The following PTPRZ1 variants were observed in gnomAD, a reference collection of about 807,000 sequenced individuals.
The protein encoded by PTPRZ1 is receptor-type tyrosine-protein phosphatase zeta.
PTPRZ1 carries 82 observed loss-of-function variants against 214.1 expected under a neutral mutation model. That is an observed-to-expected ratio of 0.38 (90% CI 0.32 to 0.46). The LOEUF is 0.46. PTPRZ1 is among the 20% of genes least tolerant of loss of function. PTPRZ1 has a pLI of 1.00. For missense variants in PTPRZ1, 2,603 were observed against 2,748.7 expected (o/e 0.95, Z 1.19); for synonymous variants, 945 against 987.9 (o/e 0.96, Z 0.81).
chr7:121,948,225 A>G (rs928367927), intron 2 of PTPRZ1, among the ~76,000 whole-genome samples: 5 of 152,174 alleles, frequency 3.3e-5, no homozygotes, highest in African/African-American at 1.2e-4. Context: ...ACAGGTAAGT[A>G]AGTACCTGCT....
At chr7:121,939,473 A>G (rs1796181077) in intron 2 of PTPRZ1, among the ~76,000 whole-genome samples, 1 of 152,212 alleles carries the variant, frequency 6.6e-6, no homozygotes, top group Non-Finnish European at 1.5e-5. Context: ...AAAATAAATA[A>G]ATGACATGTA....
chr7:122,037,276 GA>G (rs1171606932), intron 18 of PTPRZ1, among the ~76,000 whole-genome samples: 137 of 136,890 alleles, frequency 1.0e-3, no homozygotes, highest in African/African-American at 1.1e-3. Context: ...CTCCGTCTCA[GA>G]AAAAAAAAAA....
At chr7:121,997,310 A>T (rs1272740659) in intron 9 of PTPRZ1, among the ~76,000 whole-genome samples, 1 of 152,164 alleles carries the variant, frequency 6.6e-6, no homozygotes, top group African/African-American at 2.4e-5. Flanking sequence ...ATAAAAATGC[A>T]CTATTAATTA....
intron 2 of PTPRZ1, among the ~76,000 whole-genome samples, chr7:121,941,060 G>C (rs1796226629): frequency 6.6e-6 from 1 of 152,124 alleles, no homozygotes; most frequent in African/African-American, 2.4e-5. Flanking sequence ...CACTGTCCCT[G>C]TCCCTCTCTC....
intron 8 of PTPRZ1, 138 bp from the exon 9 acceptor site, chr7:121,996,244 A>G: frequency 1.7e-6 from 1 of 598,484 alleles, no homozygotes; most frequent in Non-Finnish European, 2.8e-6. Flanking sequence ...GGAATAAGCA[A>G]AAGCTCCACA....
At chr7:121,947,754 G>T (rs1796428557) in intron 2 of PTPRZ1, among the ~76,000 whole-genome samples, 1 of 152,074 alleles carries the variant, frequency 6.6e-6, no homozygotes, top group African/African-American at 2.4e-5. Flanking sequence ...TCTATTTGAA[G>T]ATTTTTTTTT....
At chr7:122,036,790 G>A (rs1015962906) in intron 18 of PTPRZ1, 108 bp downstream of exon 18, 19 of 682,408 alleles carry the variant, frequency 2.8e-5, no homozygotes, top group Non-Finnish European at 3.8e-5. Flanking sequence ...CATGTTATTC[G>A]ATAGAGAATA....
intron 1 of PTPRZ1, among the ~76,000 whole-genome samples, chr7:121,916,228 C>G (rs923835747): frequency 1.4e-5 from 2 of 146,518 alleles, no homozygotes; most frequent in South Asian, 4.3e-4. Context: ...GAGCCGAGAT[C>G]GTGCCACTGC....
intron 1 of PTPRZ1, among the ~76,000 whole-genome samples, chr7:121,907,462 T>G (rs1795150207): frequency 6.6e-6 from 1 of 152,006 alleles, no homozygotes; most frequent in Non-Finnish European, 1.5e-5. Flanking sequence ...TATATACTAA[T>G]GCTTTTTACC....
chr7:121,949,998 C>T (rs1255607569), intron 2 of PTPRZ1, among the ~76,000 whole-genome samples: 1 of 152,120 alleles, frequency 6.6e-6, no homozygotes, highest in Non-Finnish European at 1.5e-5. Context: ...TTTCATGCTG[C>T]TGATAAAGAC....
Position 122,012,851 on chromosome 7 carries a change from T to C in PTPRZ1, c.3805T>C (p.Tyr1269His). The change falls in exon 12 of 30, where the codon TAT becomes CAT. Residue 1269 changes from tyrosine (Y) to histidine (H), a missense_variant. Physicochemically the swap from Tyr to His is moderately conservative, Grantham distance 83. Transcript: ENST00000393386. ...GLTISYASEK[Y>H]EPVLLKSESS... Reference sequence around the variant, plus strand: ...GACCATTTCCTATGCAAGTGAGAAATATGAACCAGTTTTGTTAAAAAGTGA... The same window carrying C: ...GACCATTTCCTATGCAAGTGAGAAACATGAACCAGTTTTGTTAAAAAGTGA... 2 of 1,613,864 alleles carry C rather than the reference T, an allele frequency of 1.2e-6. No individual in the cohort carries two copies. Among genetic ancestry groups the C allele is most frequent in the Non-Finnish European group, 1.7e-6 (2 of 1,179,796 alleles).
At chr7:122,033,858 A>T in intron 15 of PTPRZ1, 1 of 516,126 alleles carries the variant, frequency 1.9e-6, no homozygotes, top group Non-Finnish European at 3.4e-6. Flanking sequence ...TGACATCACT[A>T]TCTCCTTTTA....
At chr7:121,987,927 C>T (rs569189070) in intron 8 of PTPRZ1, among the ~76,000 whole-genome samples, 32 of 152,240 alleles carry the variant, frequency 2.1e-4, no homozygotes, top group African/African-American at 7.5e-4. Context: ...GGACAGAAAA[C>T]CAAGTACCTC....
In PTPRZ1 at chr7:121,996,433, G is replaced by A. The variant is rs760356502; in HGVS notation, c.980G>A (p.Ser327Asn). The A allele has an allele frequency of 6.2e-7, 1 of 1,613,012 alleles. No homozygotes were observed. The part of the protein sequence containing the change: ...NVQADPENYT[S>N]LLVTWERPRV... ...CAGGCTGACCCAGAGAATTATACCAGCCTTCTTGTTACATGGGAAAGACCT... is the reference window on the plus strand; with the variant it reads ...CAGGCTGACCCAGAGAATTATACCAACCTTCTTGTTACATGGGAAAGACCT... The change falls in exon 9 of 30, where the codon AGC becomes AAC. Residue 327 changes from serine to asparagine, a missense_variant. Coordinates refer to ENST00000393386, the MANE Select transcript of PTPRZ1 (RefSeq NM_002851.3).
intron 13 of PTPRZ1, among the ~76,000 whole-genome samples, chr7:122,020,322 T>C (rs922527437): frequency 6.6e-6 from 1 of 152,174 alleles, no homozygotes; most frequent in Admixed American, 6.6e-5. Context: ...GAATTTGTTA[T>C]AAAAATGTAT....
intron 1 of PTPRZ1, among the ~76,000 whole-genome samples, chr7:121,898,244 T>G (rs1376125347): frequency 7.3e-6 from 1 of 137,482 alleles, no homozygotes; most frequent in Non-Finnish European, 1.5e-5. Context: ...TTCTTTTAAT[T>G]GTAGAATAAT....
intron 1 of PTPRZ1, among the ~76,000 whole-genome samples, chr7:121,925,994 C>T (rs1049359974): frequency 1.1e-4 from 17 of 152,044 alleles, no homozygotes; most frequent in Non-Finnish European, 1.8e-4. Flanking sequence ...AAAAGATTTA[C>T]GCCTCACAGG....
chr7:122,000,680 TATATATATATATATATATA>T (rs1798294135), intron 10 of PTPRZ1, among the ~76,000 whole-genome samples: 1 of 100,062 alleles, frequency 1.0e-5, no homozygotes, highest in African/African-American at 4.0e-5. Context: ...TATATATATA[TATATATATATATATATATA>T]TATTTGAGGT....
At chr7:121,994,293 T>TTC (rs1189846525) in intron 8 of PTPRZ1, among the ~76,000 whole-genome samples, 40 of 120,208 alleles carry the variant, frequency 3.3e-4, no homozygotes, top group African/African-American at 1.2e-3. Flanking sequence ...GCATTTCTTT[T>TTC]TTTTTTTTTT....
Sources: allele counts gnomAD v4.1 joint callset (sites outside exome capture counted in the v4.1 genomes callset), GRCh38; gene constraint gnomAD v4.1.1; transcripts MANE v1.5; gene names NCBI Gene and HGNC (gene_info 2026-07-23, HGNC 2026-07-21).